Variants in SERPINI1 observed in about 807,000 individuals in gnomAD.
SERPINI1 encodes neuroserpin.
A neutral mutation model predicts 41.1 loss-of-function variants in SERPINI1; 19 were observed. The observed-to-expected ratio is 0.46, with a 90% CI of 0.32 to 0.68. The LOEUF is 0.68. Ranked by LOEUF, SERPINI1 falls within the 30% of genes least tolerant of loss-of-function variation. The pLI, the probability that SERPINI1 is intolerant of heterozygous loss-of-function variation, is 0.03. For synonymous variants in SERPINI1, 138 were observed against 156.6 expected, an observed-to-expected ratio of 0.88 and a Z score of 0.89; for missense variants, 460 against 479.2, an observed-to-expected ratio of 0.96 and a Z score of 0.37.
chr3:167,791,841 G>A (rs978324619), intron 3 of SERPINI1, among the ~76,000 whole-genome samples: 1 of 152,176 alleles, frequency 6.6e-6, no homozygotes, highest in Admixed American at 6.5e-5. Context: ...AATAAACTTA[G>A]GACTGGGCAC....
intron 1 of SERPINI1, among the ~76,000 whole-genome samples, chr3:167,757,811 C>T (rs981438131): frequency 1.3e-5 from 2 of 151,934 alleles, no homozygotes; most frequent in Non-Finnish European, 2.9e-5. Flanking sequence ...CCCAGCTACT[C>T]GGGAGGCTGA....
At chr3:167,803,220 T>C (rs1214544771) in intron 5 of SERPINI1, among the ~76,000 whole-genome samples, 1 of 151,800 alleles carries the variant, frequency 6.6e-6, no homozygotes, top group Admixed American at 6.6e-5. Flanking sequence ...GGCACATGTA[T>C]ACATATGTAA....
intron 1 of SERPINI1, among the ~76,000 whole-genome samples, chr3:167,754,509 C>G (rs1726138331): frequency 2.0e-5 from 3 of 152,108 alleles, no homozygotes; most frequent in Admixed American, 1.3e-4. Flanking sequence ...GTACACTGTT[C>G]AAATTTGAAT....
At chr3:167,787,242 C>A (rs1004784481) in intron 1 of SERPINI1, among the ~76,000 whole-genome samples, 1 of 152,100 alleles carries the variant, frequency 6.6e-6, no homozygotes, top group African/African-American at 2.4e-5. Flanking sequence ...TCTGGAATAC[C>A]TCCTGAAGGA....
At chr3:167,741,241 A>G (rs1725669617) in intron 1 of SERPINI1, among the ~76,000 whole-genome samples, 1 of 152,216 alleles carries the variant, frequency 6.6e-6, no homozygotes, top group Non-Finnish European at 1.5e-5. Context: ...TGGGAAGGAA[A>G]ACAGATGAAA....
chr3:167,809,553 T>C (rs1156597715), intron 6 of SERPINI1, among the ~76,000 whole-genome samples: 1 of 152,200 alleles, frequency 6.6e-6, no homozygotes, highest in African/African-American at 2.4e-5. Context: ...ACAGAGACAA[T>C]AGACCATAAA....
At chr3:167,793,596 A>ATAT in intron 4 of SERPINI1, among the ~76,000 whole-genome samples, 10 of 140,612 alleles carry the variant, frequency 7.1e-5, no homozygotes, top group South Asian at 2.2e-4. Context: ...ATATATATAT[A>ATAT]TTTTTAATTA....
At chr3:167,758,669 T>G (rs187764183) in intron 1 of SERPINI1, among the ~76,000 whole-genome samples, 2 of 152,232 alleles carry the variant, frequency 1.3e-5, no homozygotes, top group East Asian at 3.9e-4. Flanking sequence ...ATGTGGCAAC[T>G]CAATGCAATA....
In SERPINI1 at chr3:167,740,269, A is replaced by G. The variant is rs559550999; in HGVS notation, c.-19+4446A>G. Among the ~76,000 whole-genome samples the G allele has an allele frequency of 1.3e-4, 20 of 152,178 alleles. No individual in the cohort carries two copies. In the South Asian group the frequency reaches 4.2e-3, roughly 32 times the overall value. On this transcript the variant is annotated intron_variant, in intron 1 of 8. Transcript: ENST00000446050. Reference sequence around the variant, plus strand: ...TTGGTCCAAACTCCTGACCTCAAACAATTCTCTCACCTTGGTCTCCCAAAG... The same window carrying G: ...TTGGTCCAAACTCCTGACCTCAAACGATTCTCTCACCTTGGTCTCCCAAAG...
chr3:167,790,594 A>G lies in SERPINI1; in HGVS notation c.473A>G (p.Asn158Ser), dbSNP rs767144751. 12 of 1,611,238 alleles carry G rather than the reference A, an allele frequency of 7.4e-6. No homozygotes were observed. The East Asian group carries it at 2.7e-4, about 36-fold the overall frequency. The change falls in exon 3 of 9, where the codon AAC becomes AGC. Residue 158 changes from asparagine to serine, a missense_variant. Asn to Ser is a conservative substitution (Grantham distance 46). Coordinates refer to ENST00000446050, the MANE Select transcript of SERPINI1 (RefSeq NM_001122752.2). ...TACATCAATAAGTGGGTGGAGAATA[A>G]CACAAACAGTATGTCACTTGGTTCC... ...ANYINKWVEN[N>S]TNNLVKDLVS...
chr3:167,790,317 T>G, intron 2 of SERPINI1, 55 bp from the exon 3 acceptor site: 1 of 1,346,612 alleles, frequency 7.4e-7, no homozygotes, highest in Non-Finnish European at 1.1e-6. Flanking sequence ...TCCACTCTCC[T>G]TGACATTTCA....
intron 1 of SERPINI1, among the ~76,000 whole-genome samples, chr3:167,783,126 A>G (rs1460600663): frequency 6.6e-6 from 1 of 152,216 alleles, no homozygotes; most frequent in Non-Finnish European, 1.5e-5. Context: ...TGAAGAGGCC[A>G]ATAACCAGCA....
intron 1 of SERPINI1, among the ~76,000 whole-genome samples, chr3:167,744,482 T>G (rs926341980): frequency 1.3e-5 from 2 of 150,680 alleles, no homozygotes; most frequent in African/African-American, 4.9e-5. Flanking sequence ...GTGAGAAATT[T>G]AGAAGAGTTG....
chr3:167,779,625 A>G (rs1409529290), intron 1 of SERPINI1, among the ~76,000 whole-genome samples: 1 of 152,216 alleles, frequency 6.6e-6, no homozygotes, highest in East Asian at 1.9e-4. Flanking sequence ...TTCATTGAAG[A>G]CATCCAGTAA....
chr3:167,736,730 A>T (rs947480225), intron 1 of SERPINI1, among the ~76,000 whole-genome samples: 1 of 152,220 alleles, frequency 6.6e-6, no homozygotes, highest in Admixed American at 6.5e-5. Flanking sequence ...CTATATGTGC[A>T]TTCAAAGCAA....
At chr3:167,800,044 A>T (rs1478556258) in intron 5 of SERPINI1, 1 of 152,132 alleles carries the variant, frequency 6.6e-6, no homozygotes, top group Non-Finnish European at 1.5e-5. Flanking sequence ...TTTTCCTCTT[A>T]ACAGTAAGTT....
At position 167,790,410 on chromosome 3, in the gene SERPINI1, G is replaced by C; in HGVS notation, c.289G>C (p.Val97Leu). The C allele has an allele frequency of 6.2e-7, 1 of 1,613,822 alleles. No individual in the cohort carries two copies. Among genetic ancestry groups the C allele is most frequent in the African/African-American group, 1.3e-5 (1 of 75,034 alleles). ...TTTCTTGAAGGAGTTTTCAAACATG[G>C]TAACTGCTAAAGAGAGCCAATATGT... is the stretch of plus-strand genomic sequence containing the variant. ...FSFLKEFSNM[V>L]TAKESQYVMK... Residue 97 changes from valine (V) to leucine (L), a missense_variant, in exon 3 of 9, where the codon GTA becomes CTA. Physicochemically the swap from Val to Leu is conservative, Grantham distance 32. Coordinates refer to ENST00000446050, the MANE Select transcript of SERPINI1 (RefSeq NM_001122752.2).
rs933220573 is a variant in SERPINI1 at position 167,807,311 on chromosome 3, A to G, written c.949A>G (p.Ile317Val). 2 of 1,612,198 alleles carry G rather than the reference A, an allele frequency of 1.2e-6. No individual in the cohort carries two copies. The highest frequency in any genetic ancestry group is 3.3e-4 in the Middle Eastern group (2 of 6,032). The change falls in exon 6 of 9, where the codon ATC becomes GTC. Residue 317 changes from isoleucine (I) to valine (V), a missense_variant. By Grantham distance (29) the Ile-to-Val change is conservative. Coordinates refer to ENST00000446050, the MANE Select transcript of SERPINI1 (RefSeq NM_001122752.2). ...LKALGITEIF[I>V]KDANLTGLSD... The stretch of plus-strand genomic sequence containing the variant: ...GGCTCTTGGAATAACTGAAATTTTC[A>G]TCAAAGATGCAAATTTGACAGGCCT...
intron 1 of SERPINI1, among the ~76,000 whole-genome samples, chr3:167,777,964 C>G (rs1316582398): frequency 6.6e-6 from 1 of 152,138 alleles, no homozygotes; most frequent in African/African-American, 2.4e-5. Context: ...CCATACTGCC[C>G]TCTCTCATCT....
Sources: gnomAD v4.1 joint callset for allele counts (sites outside exome capture counted in the v4.1 genomes callset) on GRCh38, gnomAD v4.1.1 for gene constraint, MANE v1.5 for transcripts, NCBI Gene and HGNC (gene_info 2026-07-23, HGNC 2026-07-21) for gene names.